Variants in CILK1 observed in about 807,000 individuals in gnomAD.
CILK1 encodes serine/threonine-protein kinase ICK.
CILK1 carries 47 observed loss-of-function variants against 79.2 expected under a neutral mutation model. The ratio of observed to expected loss-of-function variants is 0.59; its 90% CI spans 0.47 to 0.76. The LOEUF is 0.76. CILK1 is among the 30% of genes least tolerant of loss of function. The probability of loss-of-function intolerance (pLI) is 0.00; values close to 1 mark genes in which losing one functional copy is unlikely to be tolerated. For synonymous variants in CILK1, 266 were observed against 275.9 expected (o/e 0.96, Z 0.36); for missense variants, 660 against 769.5 (o/e 0.86, Z 1.68).
At chr6:53,024,879 CT>C (rs1765475989) in intron 5 of CILK1, among the ~76,000 whole-genome samples, 1 of 145,610 alleles carries the variant, frequency 6.9e-6, no homozygotes, top group Non-Finnish European at 1.5e-5. Context: ...GTCGCCCAGG[CT>C]GGAGTGAAGT....
At chr6:53,018,599 A>C in intron 6 of CILK1, 98 bp from the exon 7 acceptor site, 1 of 1,203,358 alleles carries the variant, frequency 8.3e-7, no homozygotes, top group Non-Finnish European at 1.2e-6. Context: ...ATATGTTCCT[A>C]TTTTCTCTCT....
chr6:53,025,092 C>A (rs2127429491), intron 5 of CILK1, among the ~76,000 whole-genome samples: 1 of 152,240 alleles, frequency 6.6e-6, no homozygotes, highest in South Asian at 2.1e-4. Context: ...CTCAGCCTCC[C>A]AAAGTGCTAG....
chr6:53,021,340 G>A, intron 5 of CILK1, among the ~76,000 whole-genome samples: 1 of 151,118 alleles, frequency 6.6e-6, no homozygotes, highest in African/African-American at 2.4e-5. Flanking sequence ...GGCGCGGGGG[G>A]GTTGGGGGGG....
chr6:53,009,190 C>T (rs1435520934), intron 12 of CILK1, among the ~76,000 whole-genome samples: 1 of 152,156 alleles, frequency 6.6e-6, no homozygotes, highest in Non-Finnish European at 1.5e-5. Context: ...TTTTGTTTTT[C>T]CCTTGAGCCA....
intron 12 of CILK1, among the ~76,000 whole-genome samples, chr6:53,008,874 C>T (rs1027464518): frequency 3.3e-5 from 5 of 152,322 alleles, no homozygotes; most frequent in Admixed American, 6.5e-5. Context: ...CAGCACATGG[C>T]AGGGGCTGCC....
intron 7 of CILK1, among the ~76,000 whole-genome samples, chr6:53,017,365 G>C (rs762950025): frequency 6.6e-6 from 1 of 152,228 alleles, no homozygotes. Context: ...TGAAGATGGG[G>C]AGGAGATTAG....
chr6:53,007,538 G>C (rs1258802815), intron 12 of CILK1, among the ~76,000 whole-genome samples: 2 of 152,188 alleles, frequency 1.3e-5, no homozygotes, highest in Non-Finnish European at 2.9e-5. Context: ...ACAGTACCAA[G>C]TGGCATCAAG....
At position 53,006,442 on chromosome 6, in the gene CILK1, T is replaced by A. The variant is rs2127399630; in HGVS notation, c.1622-5A>T. 1.9e-6 allele frequency: 3 copies of A among 1,613,506 alleles called. No individual in the cohort carries two copies. The highest frequency in any genetic ancestry group is 2.5e-6 in the Non-Finnish European group (3 of 1,179,760). ...AACTTGTAGAGCTGGAACCAACTGA[T>A]TTGCAAAAGCAAAAAGCTCATTATT... is the stretch of plus-strand genomic sequence containing the variant. On this transcript the variant is annotated splice_polypyrimidine_tract_variant and splice_region_variant and intron_variant, in intron 12 of 13. Coordinates refer to ENST00000676107, the MANE Select transcript of CILK1 (RefSeq NM_014920.5).
intron 1 of CILK1, among the ~76,000 whole-genome samples, chr6:53,050,589 G>A (rs1767414443): frequency 6.6e-6 from 1 of 151,952 alleles, no homozygotes; most frequent in Non-Finnish European, 1.5e-5. Flanking sequence ...ACTTTGGGAG[G>A]CCCAGGTGAG....
At chr6:53,019,176 T>C (rs1236920456) in intron 6 of CILK1, 51 bp downstream of exon 6, 4 of 1,528,428 alleles carry the variant, frequency 2.6e-6, no homozygotes, top group East Asian at 2.3e-5. Flanking sequence ...AGCATAATGA[T>C]ATCTTTTTAA....
At chr6:53,018,081 T>C (rs1764995807) in intron 7 of CILK1, among the ~76,000 whole-genome samples, 1 of 152,070 alleles carries the variant, frequency 6.6e-6, no homozygotes, top group African/African-American at 2.4e-5. Flanking sequence ...ACTGAGAAGT[T>C]CTGCAAGGGA....
rs1024119022 is a variant in CILK1 at position 53,004,247 on chromosome 6, T to G, written c.*902A>C. 1.3e-5 allele frequency: 2 copies of G among 152,424 alleles called. No homozygotes were observed. The highest frequency in any genetic ancestry group is 1.3e-4 in the Admixed American group (2 of 15,280). 9.4% of individuals were successfully genotyped at this position (152,424 alleles called of 1,614,324 possible). A position where few individuals can be genotyped will look rare whatever the true frequency, so the allele number is the denominator to read the frequency against. ...TCTCAGTTACTATAATCAAAAACCT[T>G]CTGCTGCTTTGATACTTAGTTTTTT... On this transcript the variant is annotated 3_prime_UTR_variant, in exon 14 of 14. Transcript: ENST00000676107.
At chr6:53,037,845 A>T (rs1451477085) in intron 3 of CILK1, 94 bp downstream of exon 3, 1 of 778,200 alleles carries the variant, frequency 1.3e-6, no homozygotes, top group East Asian at 2.6e-5. Flanking sequence ...TAGTGAAAAA[A>T]TTCAAATGAA....
chr6:53,052,139 G>A (rs915059562), intron 1 of CILK1: 4 of 152,172 alleles, frequency 2.6e-5, no homozygotes, highest in African/African-American at 9.7e-5. Flanking sequence ...GCTTATGAGT[G>A]AGAACATGCA....
At chr6:53,031,478 C>T (rs535513080) in intron 4 of CILK1, among the ~76,000 whole-genome samples, 1 of 152,144 alleles carries the variant, frequency 6.6e-6, no homozygotes, top group Non-Finnish European at 1.5e-5. Flanking sequence ...AAACACACAG[C>T]ACACTGCCGT....
chr6:53,030,115 C>T (rs1179516299), intron 5 of CILK1, among the ~76,000 whole-genome samples: 2 of 152,168 alleles, frequency 1.3e-5, no homozygotes, highest in Non-Finnish European at 2.9e-5. Context: ...CTAAGAACAA[C>T]AGTGATGGGG....
At position 53,005,192 on chromosome 6, in the gene CILK1, T is replaced by G. The variant is rs1165253136; in HGVS notation, c.1856A>C (p.His619Pro). The G allele has an allele frequency of 1.9e-6, 3 of 1,614,222 alleles. No individual in the cohort carries two copies. Among genetic ancestry groups the G allele is most frequent in the Admixed American group, 3.3e-5 (2 of 60,028 alleles). ...IPRPPAAQPV[H>P]GRTDWASKYA... ...CTTGGAAGCCCAGTCTGTCCGGCCA[T>G]GCACTGGCTGGGCGGCTGGAGGCCG... The change falls in exon 14 of 14, where the codon CAT (histidine) becomes CCT (proline). Residue 619 changes from histidine (H) to proline (P), a missense_variant. Transcript: ENST00000676107.
intron 5 of CILK1, among the ~76,000 whole-genome samples, chr6:53,027,602 CT>C (rs910572065): frequency 6.6e-6 from 1 of 152,194 alleles, no homozygotes; most frequent in Admixed American, 6.5e-5. Context: ...GCTTTAAGTA[CT>C]TTTTTTCCAT....
chr6:53,053,020 T>C (rs1345733601), intron 1 of CILK1, among the ~76,000 whole-genome samples: 1 of 146,222 alleles, frequency 6.8e-6, no homozygotes, highest in East Asian at 2.0e-4. Context: ...TCTGTTCCTA[T>C]GCCTATAACA....
Sources: allele counts gnomAD v4.1 joint callset (sites outside exome capture counted in the v4.1 genomes callset), GRCh38; gene constraint gnomAD v4.1.1; transcripts MANE v1.5; gene names NCBI Gene and HGNC (gene_info 2026-07-23, HGNC 2026-07-21).